The following NFIB variants were observed in gnomAD, a reference collection of about 807,000 sequenced individuals.
The protein encoded by NFIB is nuclear factor I B.
NFIB carries 11 observed loss-of-function variants against 61.5 expected under a neutral mutation model. The ratio of observed to expected loss-of-function variants is 0.18; its 90% CI spans 0.11 to 0.30. The LOEUF is 0.30. Among genes scored for constraint, NFIB ranks in the 10% least tolerant of loss-of-function variants. The pLI is 1.00. For synonymous variants in NFIB, 260 were observed against 216.5 expected (o/e 1.20, Z -1.76); for missense variants, 471 against 608.9 (o/e 0.77, Z 2.38).
At chr9:14,215,275 C>T (rs1212651109) in intron 2 of NFIB, among the ~76,000 whole-genome samples, 5 of 150,402 alleles carry the variant, frequency 3.3e-5, no homozygotes, top group African/African-American at 1.0e-4. Context: ...GGCATAAATA[C>T]TCAGAACAAT....
chr9:14,373,454 TAA>T (rs1241455661), intron 1 of NFIB, among the ~76,000 whole-genome samples: 2 of 152,240 alleles, frequency 1.3e-5, no homozygotes, highest in Non-Finnish European at 2.9e-5. Flanking sequence ...TACAGAGGAA[TAA>T]GTCTTAAGGA....
intron 1 of NFIB, among the ~76,000 whole-genome samples, chr9:14,338,099 A>T (rs1428882704): frequency 6.6e-6 from 1 of 152,192 alleles, no homozygotes; most frequent in East Asian, 1.9e-4. Flanking sequence ...AAATTGAAAG[A>T]AAAGAAAATA....
the NFIB span, among the ~76,000 whole-genome samples, chr9:14,425,936 G>A: frequency 6.6e-6 from 1 of 152,166 alleles, no homozygotes; most frequent in Non-Finnish European, 1.5e-5. Context: ...ACTAAAGGAA[G>A]AAAAACGAGT....
intron 8 of NFIB, among the ~76,000 whole-genome samples, chr9:14,118,589 C>A (rs139958872): frequency 2.0e-5 from 3 of 152,126 alleles, no homozygotes; most frequent in African/African-American, 4.8e-5. Context: ...GATGAAGCTA[C>A]ACTAAAAATT....
intron 1 of NFIB, chr9:14,322,313 CCGCGTGTG>C (rs1283414211): frequency 3.4e-6 from 1 of 294,972 alleles, no homozygotes; most frequent in East Asian, 5.2e-5. Context: ...GTGTGTGCGC[CCGCGTGTG>C]CGTGTGTGCA....
intron 2 of NFIB, among the ~76,000 whole-genome samples, chr9:14,182,469 A>G (rs979760396): frequency 5.3e-5 from 8 of 152,156 alleles, no homozygotes; most frequent in African/African-American, 1.7e-4. Flanking sequence ...ATGTCACCTT[A>G]TATCGGTCAC....
intron 2 of NFIB, among the ~76,000 whole-genome samples, chr9:14,198,390 T>G (rs536529806): frequency 6.6e-6 from 1 of 152,260 alleles, no homozygotes; most frequent in African/African-American, 2.4e-5. Flanking sequence ...AAGTTTCTTA[T>G]GTTAACAGGT....
chr9:14,217,582 C>G, intron 2 of NFIB, among the ~76,000 whole-genome samples: 1 of 144,396 alleles, frequency 6.9e-6, no homozygotes, highest in African/African-American at 2.6e-5. Flanking sequence ...ATCACTTGAA[C>G]CCAGGAAGTG....
chr9:14,144,658 C>A (rs1046319031), intron 6 of NFIB, among the ~76,000 whole-genome samples: 1 of 152,124 alleles, frequency 6.6e-6, no homozygotes, highest in Non-Finnish European at 1.5e-5. Context: ...CAGATTTAGA[C>A]AACTAATCCC....
chr9:14,152,964 C>A (rs957549907), intron 4 of NFIB, among the ~76,000 whole-genome samples: 2 of 151,882 alleles, frequency 1.3e-5, no homozygotes, highest in African/African-American at 4.8e-5. Flanking sequence ...TTTGATAGCA[C>A]AGCAGGGTGG....
the NFIB span, among the ~76,000 whole-genome samples, chr9:14,450,199 G>T: frequency 0.82 from 123,983 of 151,984 alleles, 50,737 homozygotes; most frequent in East Asian, 0.94. Context: ...AATTCCCACC[G>T]ATGAGTGACA....
At chr9:14,128,733 G>A (rs563972097) in intron 6 of NFIB, among the ~76,000 whole-genome samples, 7 of 151,344 alleles carry the variant, frequency 4.6e-5, no homozygotes, top group Admixed American at 1.3e-4. Context: ...ACCACAGCTT[G>A]AGAAACAGAA....
chr9:14,429,959 GA>G, the NFIB span, among the ~76,000 whole-genome samples: 1 of 152,158 alleles, frequency 6.6e-6, no homozygotes, highest in Non-Finnish European at 1.5e-5. Context: ...AATTTACTTT[GA>G]ATTCAATTTA....
At chr9:14,261,836 T>C (rs928351864) in intron 2 of NFIB, among the ~76,000 whole-genome samples, 1 of 152,188 alleles carries the variant, frequency 6.6e-6, no homozygotes, top group Non-Finnish European at 1.5e-5. Flanking sequence ...GCTCAGTTAA[T>C]GGAAATTCGG....
the NFIB span, among the ~76,000 whole-genome samples, chr9:14,527,643 G>A: frequency 6.6e-6 from 1 of 152,078 alleles, no homozygotes; most frequent in East Asian, 1.9e-4. Context: ...AAAGAGCCTG[G>A]CATATAGTAT....
the NFIB span, among the ~76,000 whole-genome samples, chr9:14,498,689 G>C: frequency 6.6e-6 from 1 of 152,042 alleles, no homozygotes; most frequent in African/African-American, 2.4e-5. Flanking sequence ...GGTTAGGGGA[G>C]AAATACTGGG....
chr9:14,124,697 A>G (rs7031859), intron 7 of NFIB, among the ~76,000 whole-genome samples: 11,917 of 152,180 alleles, frequency 0.078, 1,535 homozygotes, highest in African/African-American at 0.27. Context: ...CACAGTGTTA[A>G]TTATTAGCTG....
At chr9:14,314,147 G>C, upstream of NFIB, 5 of 1,021,874 alleles carry the variant, frequency 4.9e-6, no homozygotes, top group Non-Finnish European at 5.9e-6. Context: ...AGTGCGCGCG[G>C]GTGGCGGGGC....
intron 2 of NFIB, among the ~76,000 whole-genome samples, chr9:14,238,097 A>G (rs1219214222): frequency 6.6e-6 from 1 of 151,836 alleles, no homozygotes; most frequent in Non-Finnish European, 1.5e-5. Context: ...GTGGTAGGAG[A>G]TTTTGGGGGC....
Sources: allele counts gnomAD v4.1 joint callset (sites outside exome capture counted in the v4.1 genomes callset), GRCh38; gene constraint gnomAD v4.1.1; transcripts MANE v1.5; gene names NCBI Gene and HGNC (gene_info 2026-07-23, HGNC 2026-07-21).